TRPC4: variants seen among roughly 807,000 people sequenced by gnomAD.
TRPC4 encodes the protein transient receptor potential cation channel subfamily C member 4, also known as short transient receptor potential channel 4.
In TRPC4, 49 loss-of-function variants were observed where a neutral mutation model predicts 99.4. The observed-to-expected ratio is 0.49, with a 90% confidence interval of 0.39 to 0.63. The LOEUF (loss-of-function observed/expected upper bound fraction) is 0.63, where lower values mean the gene tolerates loss of function less well. Ranked by LOEUF, TRPC4 falls within the 20% of genes least tolerant of loss-of-function variation. TRPC4 has a pLI of 0.00. For missense variants in TRPC4, 898 were observed against 1,152.9 expected, an observed-to-expected ratio of 0.78 and a Z score of 3.20; for synonymous variants, 454 against 425.9, an observed-to-expected ratio of 1.07 and a Z score of -0.81.
chr13:37,848,626 C>A (rs1473327701), intron 1 of TRPC4, among the ~76,000 whole-genome samples: 1 of 151,906 alleles, frequency 6.6e-6, no homozygotes, highest in African/African-American at 2.4e-5. Context: ...ACACACACAC[C>A]CTCATCCCAT....
chr13:37,852,217 G>A (rs778711821), intron 1 of TRPC4, among the ~76,000 whole-genome samples: 8 of 152,074 alleles, frequency 5.3e-5, no homozygotes, highest in Non-Finnish European at 8.8e-5. Context: ...GAACAAAAGT[G>A]TCCCCTTCCT....
intron 8 of TRPC4, among the ~76,000 whole-genome samples, chr13:37,650,485 T>C (rs376616742): frequency 6.6e-6 from 1 of 152,034 alleles, no homozygotes; most frequent in East Asian, 1.9e-4. Context: ...GAAACCCTGA[T>C]TTCCAAAATG....
At chr13:37,714,739 G>A (rs1041018) in intron 3 of TRPC4, among the ~76,000 whole-genome samples, 45,782 of 140,492 alleles carry the variant, frequency 0.33, 7,319 homozygotes, top group Admixed American at 0.43. Context: ...ATCCCTCACC[G>A]CTCCTTTACT....
At chr13:37,753,575 A>AAGAGAGAGAGAGAGAGAGAGAG (rs61394712) in intron 2 of TRPC4, among the ~76,000 whole-genome samples, 6 of 137,370 alleles carry the variant, frequency 4.4e-5, no homozygotes, top group Admixed American at 3.1e-4. Context: ...GAGAGAGAGA[A>AAGAGAGAGAGAGAGAGAGAGAG]AGAGAGAGAG....
intron 3 of TRPC4, among the ~76,000 whole-genome samples, chr13:37,708,907 T>C (rs927631153): frequency 1.3e-5 from 2 of 151,968 alleles, no homozygotes; most frequent in African/African-American, 4.8e-5. Context: ...GATGGGTTTC[T>C]CATTTAGAAA....
intron 3 of TRPC4, among the ~76,000 whole-genome samples, chr13:37,722,797 A>C (rs1954918213): frequency 6.6e-6 from 1 of 152,154 alleles, no homozygotes; most frequent in African/African-American, 2.4e-5. Context: ...AACACTTACT[A>C]TTATTGCAAT....
intron 3 of TRPC4, among the ~76,000 whole-genome samples, chr13:37,743,133 G>A (rs936704106): frequency 3.3e-5 from 5 of 152,036 alleles, no homozygotes; most frequent in African/African-American, 1.2e-4. Context: ...TTTTGGGGAG[G>A]ATTGCTTGAA....
intron 1 of TRPC4, among the ~76,000 whole-genome samples, chr13:37,788,422 T>C (rs555420028): frequency 6.6e-5 from 10 of 152,298 alleles, no homozygotes; most frequent in East Asian, 1.9e-4. Context: ...GTGTTTATCC[T>C]CATCATGGAT....
chr13:37,773,908 A>T (rs965821893), intron 2 of TRPC4, among the ~76,000 whole-genome samples: 1 of 151,824 alleles, frequency 6.6e-6, no homozygotes, highest in Non-Finnish European at 1.5e-5. Flanking sequence ...GAATTCTCTG[A>T]TATTTTGGAG....
chr13:37,723,960 C>T (rs988245689), intron 3 of TRPC4, among the ~76,000 whole-genome samples: 1 of 152,070 alleles, frequency 6.6e-6, no homozygotes, highest in African/African-American at 2.4e-5. Flanking sequence ...GACAAACTGG[C>T]TTATAAATGC....
chr13:37,688,806 C>T (rs1052589095), intron 4 of TRPC4, among the ~76,000 whole-genome samples: 8 of 152,116 alleles, frequency 5.3e-5, no homozygotes, highest in Non-Finnish European at 1.2e-4. Flanking sequence ...CAGTCTACCA[C>T]TGAGACAATT....
At chr13:37,684,841 A>G (rs1038185387) in intron 4 of TRPC4, among the ~76,000 whole-genome samples, 6 of 151,558 alleles carry the variant, frequency 4.0e-5, no homozygotes, top group African/African-American at 1.5e-4. Context: ...ACACACAGAA[A>G]TTTAAAAAAT....
At chr13:37,660,917 T>A (rs892727622) in intron 6 of TRPC4, among the ~76,000 whole-genome samples, 1 of 152,204 alleles carries the variant, frequency 6.6e-6, no homozygotes, top group Non-Finnish European at 1.5e-5. Flanking sequence ...TCCGTTTTGC[T>A]TAAACAGAGT....
chr13:37,803,504 A>G, intron 1 of TRPC4, among the ~76,000 whole-genome samples: 1 of 152,118 alleles, frequency 6.6e-6, no homozygotes, highest in East Asian at 1.9e-4. Context: ...TACAGGGTGA[A>G]GAGTAAACAT....
At chr13:37,769,302 C>T (rs1260407151) in intron 2 of TRPC4, among the ~76,000 whole-genome samples, 1 of 151,340 alleles carries the variant, frequency 6.6e-6, no homozygotes, top group Non-Finnish European at 1.5e-5. Flanking sequence ...AAGCTATCTG[C>T]TTTACCTCAT....
chr13:37,696,793 G>T (rs1319311946), intron 3 of TRPC4, among the ~76,000 whole-genome samples: 2 of 152,076 alleles, frequency 1.3e-5, no homozygotes, highest in Non-Finnish European at 2.9e-5. Context: ...TATGGGGGAG[G>T]AGTTATTTCC....
Position 37,636,959 on chromosome 13 carries a change from C to G in TRPC4, c.2878G>C (p.Asp960His), listed in dbSNP as rs1406994345. The change falls in exon 11 of 11, where the codon GAT (aspartate) becomes CAT (histidine). Residue 960 changes from aspartate (D) to histidine (H), a missense_variant. Asp to His is a moderately conservative substitution (Grantham distance 81). Around this residue, in one of 3 missense-constraint regions of TRPC4, gnomAD observed 346 missense variants for 351.4 expected, o/e 0.98. Coordinates refer to ENST00000379705, the MANE Select transcript of TRPC4 (RefSeq NM_016179.4). ...AKEEDSSIDY[D>H]LNLPDTVTHE... ...GTGACTGTGTCTGGGAGGTTTAGAT[C>G]ATAGTCTATACTAGAGTCCTCTTCT... 1 of 1,613,570 alleles carries G rather than the reference C, an allele frequency of 6.2e-7. No individual in the cohort carries two copies. The highest frequency in any genetic ancestry group is 8.5e-7 in the Non-Finnish European group (1 of 1,179,670).
intron 4 of TRPC4, among the ~76,000 whole-genome samples, chr13:37,681,833 T>C (rs545374340): frequency 6.6e-6 from 1 of 152,306 alleles, no homozygotes; most frequent in South Asian, 2.1e-4. Context: ...GAGGCCTAAT[T>C]ACAAGCATTG....
At chr13:37,839,623 C>T (rs1958677529) in intron 1 of TRPC4, among the ~76,000 whole-genome samples, 1 of 152,108 alleles carries the variant, frequency 6.6e-6, no homozygotes, top group African/African-American at 2.4e-5. Context: ...TTACCAACTG[C>T]ACTGTCAGAT....
Sources: allele counts gnomAD v4.1 joint callset (sites outside exome capture counted in the v4.1 genomes callset), GRCh38; gene constraint gnomAD v4.1.1; regional missense constraint gnomAD v4.1.1; transcripts MANE v1.5; gene names NCBI Gene and HGNC (gene_info 2026-07-23, HGNC 2026-07-21).